SH3PXD2A: variants seen among roughly 807,000 people sequenced by gnomAD.
SH3PXD2A encodes the protein SH3 and PX domains 2A, also known as SH3 and PX domain-containing protein 2A.
Under a neutral mutation model 115.2 loss-of-function variants are expected in SH3PXD2A, and 32 were observed. That is an observed-to-expected ratio of 0.28 (90% CI 0.21 to 0.37). The LOEUF is 0.37. SH3PXD2A is among the 10% of genes least tolerant of loss of function. The pLI is 1.00. For synonymous variants in SH3PXD2A, 610 were observed against 629.1 expected, an observed-to-expected ratio of 0.97 and a Z score of 0.45; for missense variants, 1,328 against 1,498.7, an observed-to-expected ratio of 0.89 and a Z score of 1.88.
intron 2 of SH3PXD2A, among the ~76,000 whole-genome samples, chr10:103,796,276 T>C (rs909722402): frequency 6.6e-6 from 1 of 151,108 alleles, no homozygotes; most frequent in East Asian, 1.9e-4. Context: ...GGCTGGAAGA[T>C]CTCTTGAACC....
chr10:103,754,165 A>G (rs888328151), intron 3 of SH3PXD2A: 109 of 152,198 alleles, frequency 7.2e-4, no homozygotes, highest in African/African-American at 2.6e-3. Context: ...GAAGAGCAAA[A>G]TATGCTCCTT....
At chr10:103,710,278 G>C (rs2038032030) in intron 5 of SH3PXD2A, among the ~76,000 whole-genome samples, 2 of 152,142 alleles carry the variant, frequency 1.3e-5, no homozygotes, top group Non-Finnish European at 2.9e-5. Context: ...GGGAGGCTGA[G>C]GCAGGAGAAT....
chr10:103,780,315 T>G (rs1221721550), intron 2 of SH3PXD2A, among the ~76,000 whole-genome samples: 1 of 152,176 alleles, frequency 6.6e-6, no homozygotes, highest in African/African-American at 2.4e-5. Context: ...GCATCTCCAT[T>G]CCCCACTTTT....
chr10:103,818,412 C>T (rs2039345513), intron 1 of SH3PXD2A, among the ~76,000 whole-genome samples: 1 of 152,216 alleles, frequency 6.6e-6, no homozygotes, highest in Non-Finnish European at 1.5e-5. Context: ...GCAGCTGTGC[C>T]TGGCTGGTTA....
chr10:103,696,178 G>A (rs1268439553), intron 5 of SH3PXD2A, among the ~76,000 whole-genome samples: 1 of 152,210 alleles, frequency 6.6e-6, no homozygotes, highest in African/African-American at 2.4e-5. Flanking sequence ...TGGTGGGAAC[G>A]AAGAGGAATC....
At chr10:103,701,719 A>G (rs1483530105) in intron 5 of SH3PXD2A, among the ~76,000 whole-genome samples, 2 of 133,946 alleles carry the variant, frequency 1.5e-5, no homozygotes, top group African/African-American at 5.8e-5. Context: ...TCCATCATTT[A>G]TCCATCCATC....
At chr10:103,649,004 C>T (rs2134017410) in intron 8 of SH3PXD2A, among the ~76,000 whole-genome samples, 1 of 152,304 alleles carries the variant, frequency 6.6e-6, no homozygotes, top group African/African-American at 2.4e-5. Flanking sequence ...ATCATCATTA[C>T]AAACCCAAAG....
In SH3PXD2A at chr10:103,661,085, G is replaced by C; in HGVS notation, c.502C>G (p.Leu168Val). The C allele has an allele frequency of 6.2e-7, 1 of 1,613,996 alleles. No individual in the cohort carries two copies. The highest frequency in any genetic ancestry group is 8.5e-7 in the Non-Finnish European group (1 of 1,179,914). Residue 168 changes from leucine (L) to valine (V), a missense_variant, in exon 8 of 15, where the codon CTG (leucine) becomes GTG (valine). Coordinates refer to ENST00000369774, the MANE Select transcript of SH3PXD2A (RefSeq NM_001394015.1). ...GADATAEPMILEQYVVVSNYK... is the reference protein window; with the variant it reads ...GADATAEPMIVEQYVVVSNYK... ...TTGGACACCACCACGTACTGTTCCA[G>C]GATCATGGGCTCGGCGGTGGCGTCG...
At chr10:103,661,985 G>A (rs1317882803) in intron 7 of SH3PXD2A, 3 of 984,200 alleles carry the variant, frequency 3.0e-6, no homozygotes, top group South Asian at 9.4e-5. Flanking sequence ...AGCCCAGGCC[G>A]GGTACAGTCG....
chr10:103,739,793 GAGA>G (rs1352285297), intron 3 of SH3PXD2A, among the ~76,000 whole-genome samples: 3 of 152,222 alleles, frequency 2.0e-5, no homozygotes, highest in South Asian at 2.1e-4. Context: ...CCTGAAAGCG[GAGA>G]AGAAGCTGTG....
Position 103,611,622 on chromosome 10 carries a change from T to C in SH3PXD2A, c.1267A>G (p.Asn423Asp). 6.2e-7 allele frequency: 1 copy of C among 1,614,074 alleles called. No individual in the cohort carries two copies. The highest frequency in any genetic ancestry group is 8.5e-7 in the Non-Finnish European group (1 of 1,179,904). The change falls in exon 13 of 15, where the codon AAC becomes GAC. Residue 423 changes from asparagine (N) to aspartate (D), a missense_variant. Around this residue, in one of 5 missense-constraint regions of SH3PXD2A, gnomAD observed 509 missense variants for 628.3 expected, o/e 0.81. Coordinates refer to ENST00000369774, the MANE Select transcript of SH3PXD2A (RefSeq NM_001394015.1). The stretch of plus-strand genomic sequence containing the variant: ...CGTGGTGGAGGTCTTGTCCGTAGGT[T>C]CGGGGAGCCTAGAGGAAGAGACATG... ...APQRAQISSPNLRTRPPPRRE... is the reference protein window; with the variant it reads ...APQRAQISSPDLRTRPPPRRE...
At chr10:103,737,303 A>C (rs2038391577) in intron 3 of SH3PXD2A, among the ~76,000 whole-genome samples, 1 of 152,222 alleles carries the variant, frequency 6.6e-6, no homozygotes, top group South Asian at 2.1e-4. Context: ...ACTTGAATTA[A>C]AGGACACCCA....
rs149144182 is a variant in SH3PXD2A, at chr10:103,774,914, G to A, written c.154-7745C>T. Among the ~76,000 whole-genome samples, 46 of 152,260 alleles carry A rather than the reference G, an allele frequency of 3.0e-4. 1 individual carries two copies. In the East Asian group the frequency reaches 7.1e-3, roughly 24 times the overall value. ...CTTAGGTCCTTGCTGCTAAAGTGCC[G>A]CCCTTCCGGTGTCCCAGCTGGACGC... On this transcript the variant is annotated intron_variant, in intron 2 of 14. Coordinates refer to ENST00000369774, the MANE Select transcript of SH3PXD2A (RefSeq NM_001394015.1).
chr10:103,726,121 C>T (rs572146775), intron 4 of SH3PXD2A, among the ~76,000 whole-genome samples: 24 of 152,196 alleles, frequency 1.6e-4, no homozygotes, highest in African/African-American at 4.6e-4. Flanking sequence ...GACAGGGAGC[C>T]GAGGGCTAGA....
At chr10:103,750,158 C>A (rs1462194048) in intron 3 of SH3PXD2A, among the ~76,000 whole-genome samples, 1 of 152,122 alleles carries the variant, frequency 6.6e-6, no homozygotes, top group Non-Finnish European at 1.5e-5. Context: ...CCTAAGTGAT[C>A]CTCCCACCTC....
In SH3PXD2A at chr10:103,608,150, T is replaced by TTAAAAAAAAAAAAAAAAAGTTTACA. The variant is rs2036356171; in HGVS notation, c.1309-2234_1309-2233insTGTAAACTTTTTTTTTTTTTTTTTA. ...GAGAAACACCCAAGAATGATCAATT[T>TTAAAAAAAAAAAAAAAAAGTTTACA]AAAAAAAAAAAAAAAAAAAAGAACA... On this transcript the variant is annotated intron_variant, in intron 13 of 14. Transcript: ENST00000369774. Among the ~76,000 whole-genome samples, 2 of 32,660 alleles carry TTAAAAAAAAAAAAAAAAAGTTTACA rather than the reference T, an allele frequency of 6.1e-5. 1 individual carries two copies. Among genetic ancestry groups the TTAAAAAAAAAAAAAAAAAGTTTACA allele is most frequent in the Non-Finnish European group, 9.0e-5 (2 of 22,106 alleles). The allele number at this position is 32,660 out of a possible 152,430, so 21.4% of individuals were successfully genotyped here. A position where few individuals can be genotyped will look rare whatever the true frequency, so the allele number is the denominator to read the frequency against.
intron 8 of SH3PXD2A, among the ~76,000 whole-genome samples, chr10:103,633,084 G>A (rs1464553314): frequency 3.3e-5 from 5 of 152,328 alleles, no homozygotes; most frequent in African/African-American, 1.2e-4. Context: ...CTCTGCACAT[G>A]CTAGAGATGA....
chr10:103,855,130 G>C, intron 1 of SH3PXD2A, 65 bp downstream of exon 1: 1 of 1,233,918 alleles, frequency 8.1e-7, no homozygotes, highest in South Asian at 1.4e-5. Flanking sequence ...AGGGGCAAGG[G>C]GCCATCCGGG....
At position 103,669,549 on chromosome 10, in the gene SH3PXD2A, C is replaced by T. The variant is rs143838229; in HGVS notation, c.428-897G>A. 5.9e-4 allele frequency among the ~76,000 whole-genome samples: 90 copies of T among 152,378 alleles called. 1 individual carries two copies. Among genetic ancestry groups the T allele is most frequent in the African/African-American group, 2.0e-3 (85 of 41,596 alleles). On this transcript the variant is annotated intron_variant, in intron 6 of 14. Coordinates refer to ENST00000369774, the MANE Select transcript of SH3PXD2A (RefSeq NM_001394015.1). Reference sequence around the variant, plus strand: ...ACCATGTCAAAAGCATTGATGCAGTCGAACTACAGTGACTCATTTAGTCCC... The same window carrying T: ...ACCATGTCAAAAGCATTGATGCAGTTGAACTACAGTGACTCATTTAGTCCC...
Sources: gnomAD v4.1 joint callset for allele counts (sites outside exome capture counted in the v4.1 genomes callset) on GRCh38, gnomAD v4.1.1 for gene constraint, gnomAD v4.1.1 regional missense constraint, MANE v1.5 for transcripts, NCBI Gene and HGNC (gene_info 2026-07-23, HGNC 2026-07-21) for gene names.